The following ARHGAP20 variants were observed in gnomAD, a reference collection of about 807,000 sequenced individuals.
ARHGAP20 encodes Rho GTPase activating protein 20.
A neutral mutation model predicts 73.7 loss-of-function variants in ARHGAP20; 34 were observed. That is an observed-to-expected ratio of 0.46 (90% CI 0.35 to 0.61). The LOEUF is 0.61. Ranked by LOEUF, ARHGAP20 falls within the 20% of genes least tolerant of loss-of-function variation. ARHGAP20 has a pLI of 0.00. For missense variants in ARHGAP20, 1,314 were observed against 1,420.9 expected, an observed-to-expected ratio of 0.92 and a Z score of 1.21; for synonymous variants, 523 against 518.2, an observed-to-expected ratio of 1.01 and a Z score of -0.13.
intron 2 of ARHGAP20, among the ~76,000 whole-genome samples, chr11:110,658,372 T>C (rs1047142272): frequency 3.3e-5 from 5 of 152,150 alleles, no homozygotes; most frequent in Non-Finnish European, 7.3e-5. Context: ...GGTCACATGC[T>C]TTAGGAAAAC....
chr11:110,667,069 A>G (rs1949738572), intron 2 of ARHGAP20, among the ~76,000 whole-genome samples: 1 of 152,260 alleles, frequency 6.6e-6, no homozygotes, highest in African/African-American at 2.4e-5. Flanking sequence ...TACAAGGTGA[A>G]GCACTACATG....
At chr11:110,608,876 C>T in intron 8 of ARHGAP20, 108 bp downstream of exon 8, 1 of 852,498 alleles carries the variant, frequency 1.2e-6, no homozygotes, top group Non-Finnish European at 1.8e-6. Flanking sequence ...CATGAAATTT[C>T]ATATTTAATA....
intron 2 of ARHGAP20, among the ~76,000 whole-genome samples, chr11:110,667,402 A>G (rs1949743642): frequency 6.6e-6 from 1 of 152,208 alleles, no homozygotes; most frequent in African/African-American, 2.4e-5. Flanking sequence ...ATATCTGTTT[A>G]CAACATGTTT....
At chr11:110,632,265 TC>T (rs113868692) in intron 2 of ARHGAP20, among the ~76,000 whole-genome samples, 38 of 152,284 alleles carry the variant, frequency 2.5e-4, no homozygotes, top group African/African-American at 8.7e-4. Flanking sequence ...CAGTTAGTTT[TC>T]CATAACGATG....
intron 1 of ARHGAP20, among the ~76,000 whole-genome samples, chr11:110,697,230 C>T (rs920927430): frequency 6.6e-6 from 1 of 151,592 alleles, no homozygotes; most frequent in Non-Finnish European, 1.5e-5. Flanking sequence ...TCCTTTTCTC[C>T]ACATCCATGC....
intron 9 of ARHGAP20, 65 bp downstream of exon 9, chr11:110,606,496 T>A: frequency 6.6e-7 from 1 of 1,510,742 alleles, no homozygotes; most frequent in South Asian, 1.2e-5. Context: ...GGCGGGAGGT[T>A]TGAGTCTTTG....
chr11:110,597,486 T>TTTA (rs1271179037), intron 9 of ARHGAP20, among the ~76,000 whole-genome samples: 1 of 152,028 alleles, frequency 6.6e-6, no homozygotes, highest in African/African-American at 2.4e-5. Flanking sequence ...TTGATTTTTA[T>TTTA]TTATTATTAT....
chr11:110,709,251 C>T (rs748884087), intron 1 of ARHGAP20, among the ~76,000 whole-genome samples: 18 of 152,330 alleles, frequency 1.2e-4, no homozygotes, highest in Non-Finnish European at 2.6e-4. Flanking sequence ...GGTTTGCTGA[C>T]CCTGCTCTGA....
intron 1 of ARHGAP20, among the ~76,000 whole-genome samples, chr11:110,705,605 A>G (rs948218329): frequency 6.6e-6 from 1 of 152,200 alleles, no homozygotes; most frequent in African/African-American, 2.4e-5. Flanking sequence ...CTTTAGAGTC[A>G]CAAAAATTAA....
chr11:110,682,698 G>C (rs984106140), intron 2 of ARHGAP20, among the ~76,000 whole-genome samples: 1 of 152,092 alleles, frequency 6.6e-6, no homozygotes, highest in Non-Finnish European at 1.5e-5. Flanking sequence ...CAGAAGGCTT[G>C]AGTCTTAAAA....
At chr11:110,699,154 C>T in intron 1 of ARHGAP20, among the ~76,000 whole-genome samples, 1 of 151,722 alleles carries the variant, frequency 6.6e-6, no homozygotes, top group East Asian at 1.9e-4. Flanking sequence ...TTCTTAATTT[C>T]ACTGTTTACC....
rs778748217 is a variant in ARHGAP20, at chr11:110,624,168, G to C, written c.497C>G (p.Thr166Ser). 1 of 1,610,210 alleles carries C rather than the reference G, an allele frequency of 6.2e-7. No individual in the cohort carries two copies. Among genetic ancestry groups the C allele is most frequent in the South Asian group, 1.1e-5 (1 of 89,624 alleles). Residue 166 changes from threonine to serine, a missense_variant, in exon 4 of 15, where the codon ACT (threonine) becomes AGT (serine). Around this residue, in one of 3 missense-constraint regions of ARHGAP20, gnomAD observed 443 missense variants for 466.4 expected, o/e 0.95. Coordinates refer to ENST00000683387, the MANE Select transcript of ARHGAP20 (RefSeq NM_001384657.1). Reference protein sequence around the residue: ...LGWPTVNFVATFSSPEQKDKW... With the variant: ...LGWPTVNFVASFSSPEQKDKW... ...GACAAGCTGTGGTTCTTACCTGAAA[G>C]TGGCCACAAAGTTCACTGTGGGCCA...
At chr11:110,603,713 C>T (rs1321190186) in intron 9 of ARHGAP20, among the ~76,000 whole-genome samples, 3 of 152,046 alleles carry the variant, frequency 2.0e-5, no homozygotes, top group Non-Finnish European at 4.4e-5. Context: ...AAGTGATTAT[C>T]TGCAATGAAA....
intron 7 of ARHGAP20, among the ~76,000 whole-genome samples, chr11:110,610,843 C>G (rs76678344): frequency 4.1e-4 from 62 of 152,138 alleles, no homozygotes; most frequent in Non-Finnish European, 7.2e-4. Context: ...TTGTAGCCAG[C>G]TAATATGGTT....
intron 8 of ARHGAP20, 120 bp from the exon 9 acceptor site, chr11:110,606,869 G>A (rs1403302311): frequency 3.3e-5 from 28 of 857,724 alleles, no homozygotes; most frequent in Non-Finnish European, 4.1e-5. Context: ...GAATCCCTTT[G>A]TTTGACAGAA....
At chr11:110,654,146 G>T (rs891750143) in intron 2 of ARHGAP20, among the ~76,000 whole-genome samples, 1 of 152,058 alleles carries the variant, frequency 6.6e-6, no homozygotes, top group African/African-American at 2.4e-5. Context: ...AATCACCATG[G>T]CACACATTTA....
At chr11:110,706,110 A>C (rs1351180234) in intron 1 of ARHGAP20, among the ~76,000 whole-genome samples, 1 of 152,150 alleles carries the variant, frequency 6.6e-6, no homozygotes, top group Non-Finnish European at 1.5e-5. Context: ...CCACTCTCCA[A>C]AGAATGTATA....
chr11:110,690,796 T>C (rs548126088), intron 1 of ARHGAP20, among the ~76,000 whole-genome samples, 167 bp from the exon 2 acceptor site: 1 of 151,902 alleles, frequency 6.6e-6, no homozygotes, highest in South Asian at 2.1e-4. Flanking sequence ...AATAGGATAG[T>C]TAAAAAAAAA....
intron 2 of ARHGAP20, among the ~76,000 whole-genome samples, chr11:110,664,673 A>G (rs1591155568): frequency 1.4e-5 from 2 of 148,124 alleles, no homozygotes; most frequent in East Asian, 4.0e-4. Context: ...GCTTCCAGTG[A>G]GCGGAGACTG....
Sources: allele counts gnomAD v4.1 joint callset (sites outside exome capture counted in the v4.1 genomes callset), GRCh38; gene constraint gnomAD v4.1.1; regional missense constraint gnomAD v4.1.1; transcripts MANE v1.5; gene names NCBI Gene and HGNC (gene_info 2026-07-23, HGNC 2026-07-21).